Variants in BAZ2B observed in about 807,000 individuals in gnomAD.
BAZ2B encodes the protein bromodomain adjacent to zinc finger domain protein 2B.
BAZ2B carries 91 observed loss-of-function variants against 246.0 expected under a neutral mutation model. The ratio of observed to expected loss-of-function variants is 0.37; its 90% CI spans 0.31 to 0.44. The LOEUF (loss-of-function observed/expected upper bound fraction) is 0.44, where lower values mean the gene tolerates loss of function less well. Ranked by LOEUF, BAZ2B falls within the 20% of genes least tolerant of loss-of-function variation. BAZ2B has a pLI of 1.00. For synonymous variants in BAZ2B, 855 were observed against 860.0 expected (o/e 0.99, Z 0.10); for missense variants, 2,332 against 2,533.7 (o/e 0.92, Z 1.71).
intron 6 of BAZ2B, among the ~76,000 whole-genome samples, chr2:159,442,346 AAC>A (rs2073566057): frequency 6.6e-6 from 1 of 152,166 alleles, no homozygotes; most frequent in African/African-American, 2.4e-5. Flanking sequence ...GAGCATAGTG[AAC>A]CAGGGAGACA....
intron 27 of BAZ2B, among the ~76,000 whole-genome samples, chr2:159,354,343 A>G (rs576486360): frequency 3.5e-4 from 48 of 135,712 alleles, no homozygotes; most frequent in African/African-American, 1.2e-3. Context: ...TAAACCTCTA[A>G]TTAAAAAAAA....
In BAZ2B at chr2:159,511,516, T is replaced by C. The variant is rs546861473; in HGVS notation, c.-2-32795A>G. 2.0e-5 allele frequency among the ~76,000 whole-genome samples: 3 copies of C among 152,292 alleles called. 1 individual carries two copies. The highest frequency in any genetic ancestry group is 4.8e-5 in the African/African-American group (2 of 41,570). The stretch of plus-strand genomic sequence containing the variant: ...GTGTCGCGCCCAGCCTCTCTGGACA[T>C]TGCAATTTATAAAGGATGTAACAGA... On this transcript the variant is annotated intron_variant, in intron 2 of 36. Coordinates refer to ENST00000392783, the MANE Select transcript of BAZ2B (RefSeq NM_013450.4).
the BAZ2B span, among the ~76,000 whole-genome samples, chr2:159,678,818 T>C: frequency 6.6e-6 from 1 of 152,202 alleles, no homozygotes; most frequent in Non-Finnish European, 1.5e-5. Context: ...CTTGTACTAT[T>C]ACTTTTGCAG....
At chr2:159,357,427 G>C (rs902914281) in intron 27 of BAZ2B, among the ~76,000 whole-genome samples, 2 of 151,910 alleles carry the variant, frequency 1.3e-5, no homozygotes, top group Admixed American at 1.3e-4. Flanking sequence ...AGAGAAAAAA[G>C]AATGAAAAGA....
At position 159,404,875 on chromosome 2, in the gene BAZ2B, C is replaced by T; in HGVS notation, c.2806G>A (p.Glu936Lys). Residue 936 changes from glutamate (E) to lysine (K), a missense_variant, in exon 16 of 37, where the codon GAA (glutamate) becomes AAA (lysine). Transcript: ENST00000392783. Reference protein sequence around the residue: ...MAAEEKRKQKEQIKIMKQQEK... With the variant: ...MAAEEKRKQKKQIKIMKQQEK... Reference sequence around the variant, plus strand: ...TGCTGTTTCATAATCTTTATCTGTTCTTTTTGCTTCCGCTTCTCCTCAGCA... The same window carrying T: ...TGCTGTTTCATAATCTTTATCTGTTTTTTTTGCTTCCGCTTCTCCTCAGCA... The T allele has an allele frequency of 1.2e-6, 2 of 1,613,220 alleles. No individual in the cohort carries two copies. Among genetic ancestry groups the T allele is most frequent in the Non-Finnish European group, 1.7e-6 (2 of 1,179,882 alleles).
At chr2:159,393,684 A>G (rs976529060) in intron 20 of BAZ2B, among the ~76,000 whole-genome samples, 1 of 152,184 alleles carries the variant, frequency 6.6e-6, no homozygotes, top group Admixed American at 6.5e-5. Flanking sequence ...GGTTTCTGGT[A>G]TCTCTCAGTT....
At chr2:159,708,647 C>T in the BAZ2B span, among the ~76,000 whole-genome samples, 428 of 151,900 alleles carry the variant, frequency 2.8e-3, no homozygotes, top group Middle Eastern at 0.044. Context: ...GATCCCCGCT[C>T]ACTGCAAGCC....
At chr2:159,452,556 C>T (rs958988420) in intron 4 of BAZ2B, among the ~76,000 whole-genome samples, 10 of 152,156 alleles carry the variant, frequency 6.6e-5, no homozygotes, top group Non-Finnish European at 1.2e-4. Flanking sequence ...TATGCTATAA[C>T]GTTTTAAATT....
the BAZ2B span, among the ~76,000 whole-genome samples, chr2:159,708,705 G>T: frequency 1.5e-3 from 226 of 152,018 alleles, no homozygotes; most frequent in Non-Finnish European, 2.7e-3. Context: ...CTCCCAAGTA[G>T]CTGGGATTAT....
At chr2:159,399,844 A>G (rs1210160464) in intron 17 of BAZ2B, among the ~76,000 whole-genome samples, 1 of 152,158 alleles carries the variant, frequency 6.6e-6, no homozygotes, top group Non-Finnish European at 1.5e-5. Flanking sequence ...ACTCTTTTAG[A>G]TGGAAATAAT....
chr2:159,639,631 T>C, the BAZ2B span, among the ~76,000 whole-genome samples: 2 of 152,124 alleles, frequency 1.3e-5, no homozygotes, highest in Non-Finnish European at 2.9e-5. Flanking sequence ...TTTAAAATAG[T>C]GGGTTATAAG....
the BAZ2B span, among the ~76,000 whole-genome samples, chr2:159,658,183 G>T: frequency 6.6e-6 from 1 of 152,090 alleles, no homozygotes; most frequent in South Asian, 2.1e-4. Context: ...CTATTGATAG[G>T]ATCATATGAT....
At chr2:159,346,076 C>T (rs1293033498) in intron 31 of BAZ2B, among the ~76,000 whole-genome samples, 2 of 152,072 alleles carry the variant, frequency 1.3e-5, no homozygotes, top group African/African-American at 2.4e-5. Context: ...GTTGAAGATG[C>T]CAGAAAGATG....
chr2:159,327,157 T>TC (rs2063834462), intron 34 of BAZ2B, among the ~76,000 whole-genome samples: 1 of 150,764 alleles, frequency 6.6e-6, no homozygotes, highest in African/African-American at 2.4e-5. Context: ...GCTCAAGACA[T>TC]CCTCCCATAT....
intron 31 of BAZ2B, among the ~76,000 whole-genome samples, chr2:159,344,266 G>A (rs987993667): frequency 2.0e-5 from 3 of 151,940 alleles, no homozygotes; most frequent in Admixed American, 2.0e-4. Flanking sequence ...GGCCGGGTGT[G>A]GTGGCTCATG....
chr2:159,662,497 G>C, the BAZ2B span, among the ~76,000 whole-genome samples: 1 of 152,026 alleles, frequency 6.6e-6, no homozygotes, highest in African/African-American at 2.4e-5. Flanking sequence ...ATTCTCACTG[G>C]TTCTTGTTTT....
intron 17 of BAZ2B, 112 bp downstream of exon 17, chr2:159,400,487 A>G: frequency 1.5e-6 from 1 of 661,002 alleles, no homozygotes; most frequent in South Asian, 1.9e-5. Context: ...GTTTAAAGAG[A>G]ATATCTGACA....
intron 25 of BAZ2B, among the ~76,000 whole-genome samples, chr2:159,381,023 C>T (rs1277750016): frequency 6.6e-6 from 1 of 152,134 alleles, no homozygotes; most frequent in Non-Finnish European, 1.5e-5. Flanking sequence ...GGACCCCCAA[C>T]TCACAGAAAT....
At chr2:159,404,707 T>A (rs2065624522) in intron 16 of BAZ2B, 142 bp downstream of exon 16, 1 of 697,650 alleles carries the variant, frequency 1.4e-6, no homozygotes, top group Non-Finnish European at 2.2e-6. Flanking sequence ...TTTTAATTAA[T>A]AGAAGATAGC....
Sources: gnomAD v4.1 joint callset for allele counts (sites outside exome capture counted in the v4.1 genomes callset) on GRCh38, gnomAD v4.1.1 for gene constraint, MANE v1.5 for transcripts, NCBI Gene and HGNC (gene_info 2026-07-23, HGNC 2026-07-21) for gene names.